STXBP5L: variants seen among roughly 807,000 people sequenced by gnomAD.
STXBP5L encodes the protein syntaxin-binding protein 5-like.
STXBP5L carries 65 observed loss-of-function variants against 144.5 expected under a neutral mutation model. That is an observed-to-expected ratio of 0.45 (90% confidence interval 0.37 to 0.55). STXBP5L has a LOEUF of 0.55. Among genes scored for constraint, STXBP5L ranks in the 20% least tolerant of loss-of-function variants. The pLI is 0.00. For missense variants in STXBP5L, 1,298 were observed against 1,405.5 expected (o/e 0.92, Z 1.22); for synonymous variants, 505 against 469.6 (o/e 1.08, Z -0.97).
intron 4 of STXBP5L, among the ~76,000 whole-genome samples, chr3:121,044,136 A>G (rs1305619118): frequency 6.6e-6 from 1 of 152,170 alleles, no homozygotes; most frequent in African/African-American, 2.4e-5. Flanking sequence ...TCATGTTAAG[A>G]TGTATATATC....
intron 3 of STXBP5L, among the ~76,000 whole-genome samples, chr3:121,032,838 C>A (rs1175569411): frequency 3.3e-5 from 2 of 60,366 alleles, no homozygotes; most frequent in African/African-American, 1.3e-4. Flanking sequence ...TCATCACTGG[C>A]CATCAGAGAA....
chr3:121,089,370 A>C (rs1190034819), intron 5 of STXBP5L, among the ~76,000 whole-genome samples: 1 of 151,692 alleles, frequency 6.6e-6, no homozygotes, highest in Non-Finnish European at 1.5e-5. Context: ...CTTAATATAG[A>C]ATTCTAGGTT....
At chr3:121,216,182 C>A (rs779969515) in intron 10 of STXBP5L, among the ~76,000 whole-genome samples, 7 of 152,148 alleles carry the variant, frequency 4.6e-5, no homozygotes. Flanking sequence ...ACCTCTGAAG[C>A]CTACATCTTT....
intron 19 of STXBP5L, among the ~76,000 whole-genome samples, chr3:121,296,311 G>A (rs2051646583): frequency 6.6e-6 from 1 of 152,152 alleles, no homozygotes; most frequent in South Asian, 2.1e-4. Context: ...ACCTACTAAT[G>A]TCAGTAATGG....
intron 5 of STXBP5L, among the ~76,000 whole-genome samples, chr3:121,089,991 T>C (rs1233511473): frequency 6.6e-6 from 1 of 152,166 alleles, no homozygotes; most frequent in Non-Finnish European, 1.5e-5. Context: ...TCTGTACTTG[T>C]TGAAACCTTT....
At chr3:121,054,813 C>A (rs998649096) in intron 5 of STXBP5L, among the ~76,000 whole-genome samples, 1 of 151,870 alleles carries the variant, frequency 6.6e-6, no homozygotes, top group African/African-American at 2.4e-5. Flanking sequence ...CTATTTAGAT[C>A]ACCATATTGA....
intron 3 of STXBP5L, among the ~76,000 whole-genome samples, chr3:120,965,064 G>A (rs1012428331): frequency 6.6e-6 from 1 of 152,102 alleles, no homozygotes; most frequent in Non-Finnish European, 1.5e-5. Context: ...TTGGTTTAAA[G>A]TCTGTTTTAT....
intron 23 of STXBP5L, among the ~76,000 whole-genome samples, chr3:121,411,108 G>T (rs546652448): frequency 9.9e-5 from 15 of 152,142 alleles, no homozygotes; most frequent in African/African-American, 2.9e-4. Flanking sequence ...ATCTTTTTAA[G>T]ATATTAGGTA....
chr3:121,012,556 T>C (rs1211146297), intron 3 of STXBP5L, among the ~76,000 whole-genome samples: 1 of 151,870 alleles, frequency 6.6e-6, no homozygotes, highest in Non-Finnish European at 1.5e-5. Context: ...ATGGTGGTTT[T>C]GATAGGCATG....
chr3:121,037,643 T>C (rs964700805), intron 3 of STXBP5L, among the ~76,000 whole-genome samples: 1 of 152,172 alleles, frequency 6.6e-6, no homozygotes, highest in Non-Finnish European at 1.5e-5. Flanking sequence ...TAGTTTGTCA[T>C]GATTTGGTAT....
intron 18 of STXBP5L, among the ~76,000 whole-genome samples, chr3:121,263,410 TCTC>T (rs759753861): frequency 1.8e-4 from 28 of 152,036 alleles, no homozygotes; most frequent in African/African-American, 1.2e-4. Context: ...GAAAGCCTCT[TCTC>T]CTCTAAATCA....
chr3:121,005,934 T>C (rs1306604975), intron 3 of STXBP5L, among the ~76,000 whole-genome samples: 1 of 152,192 alleles, frequency 6.6e-6, no homozygotes, highest in African/African-American at 2.4e-5. Context: ...TTATGATTTC[T>C]GTTCTTTTAC....
intron 3 of STXBP5L, among the ~76,000 whole-genome samples, chr3:120,978,824 G>C (rs186209602): frequency 2.6e-5 from 4 of 152,324 alleles, no homozygotes; most frequent in Admixed American, 2.6e-4. Flanking sequence ...GACCCTGTTT[G>C]CCTCGGTATC....
At chr3:121,166,159 A>G (rs1577096073) in intron 9 of STXBP5L, among the ~76,000 whole-genome samples, 1 of 152,166 alleles carries the variant, frequency 6.6e-6, no homozygotes, top group East Asian at 1.9e-4. Context: ...GGTGTGTGCC[A>G]CCACACCCAG....
chr3:121,190,631 C>T (rs1173050270), intron 9 of STXBP5L, among the ~76,000 whole-genome samples: 1 of 133,448 alleles, frequency 7.5e-6, no homozygotes, highest in African/African-American at 2.8e-5. Flanking sequence ...ACGGGGCAGC[C>T]AGGCAGAGGC....
chr3:121,279,706 C>A, intron 18 of STXBP5L, 99 bp from the exon 19 acceptor site: 1 of 1,453,230 alleles, frequency 6.9e-7, no homozygotes, highest in African/African-American at 1.4e-5. Context: ...CTTCCCCAAC[C>A]CTAAGACATT....
chr3:121,353,761 T>C (rs1347295228), intron 20 of STXBP5L, among the ~76,000 whole-genome samples: 3 of 152,228 alleles, frequency 2.0e-5, no homozygotes, highest in Non-Finnish European at 4.4e-5. Context: ...TCTAGCTCTT[T>C]TAATTGTGAT....
At chr3:121,065,849 G>A (rs80192043) in intron 5 of STXBP5L, among the ~76,000 whole-genome samples, 1 of 152,294 alleles carries the variant, frequency 6.6e-6, no homozygotes, top group Admixed American at 6.5e-5. Context: ...AGCTCATTTT[G>A]TTGTTGGTAG....
intron 5 of STXBP5L, among the ~76,000 whole-genome samples, chr3:121,079,033 A>T (rs2042146065): frequency 6.6e-6 from 1 of 152,242 alleles, no homozygotes; most frequent in African/African-American, 2.4e-5. Flanking sequence ...GTGCTCCTCA[A>T]GTGCCACCAA....
Sources: allele counts gnomAD v4.1 joint callset (sites outside exome capture counted in the v4.1 genomes callset), GRCh38; gene constraint gnomAD v4.1.1; transcripts MANE v1.5; gene names NCBI Gene and HGNC (gene_info 2026-07-23, HGNC 2026-07-21).